The following PCDHA4 variants were observed in gnomAD, a reference collection of about 807,000 sequenced individuals.
PCDHA4 encodes protocadherin alpha-4.
PCDHA4 carries 49 observed loss-of-function variants against 61.4 expected under a neutral mutation model. That is an observed-to-expected ratio of 0.80 (90% CI 0.63 to 1.01). The LOEUF (loss-of-function observed/expected upper bound fraction) is 1.01, where lower values mean the gene tolerates loss of function less well. Ranked by LOEUF, PCDHA4 falls within the 50% of genes least tolerant of loss-of-function variation. The pLI is 0.00. For missense variants in PCDHA4, 1,254 were observed against 1,235.8 expected (o/e 1.01, Z -0.22); for synonymous variants, 590 against 550.3 (o/e 1.07, Z -1.01).
intron 1 of PCDHA4, among the ~76,000 whole-genome samples, chr5:140,951,812 A>G (rs2094639418): frequency 1.3e-5 from 2 of 152,152 alleles, no homozygotes; most frequent in Admixed American, 1.3e-4. Context: ...ATGGTCCCTC[A>G]AAGTCTGAAC....
At chr5:140,867,108 C>A (rs782819699) in intron 1 of PCDHA4, 4 of 152,072 alleles carry the variant, frequency 2.6e-5, no homozygotes, top group Admixed American at 2.6e-4. Flanking sequence ...CCTAAATTAA[C>A]ATATTGTTTT....
chr5:140,850,073 G>A, intron 1 of PCDHA4: 1 of 1,596,556 alleles, frequency 6.3e-7, no homozygotes, highest in Non-Finnish European at 8.6e-7. Context: ...TGGACCACGA[G>A]GAGCTGGAGC....
At chr5:140,813,025 C>T (rs2126643316) in intron 1 of PCDHA4, 14 of 152,074 alleles carry the variant, frequency 9.2e-5, no homozygotes, top group Non-Finnish European at 1.6e-4. Flanking sequence ...TTTCAACCTT[C>T]TTGAATTTGT....
In PCDHA4 at chr5:140,844,186, T is replaced by G. The variant is rs1779260414; in HGVS notation, c.2385+34614T>G. ...CTTTAAGATCTCGGTTTATTCATCT[T>G]ATCTGACTTTTTAGTGTCTGGTAGT... On this transcript the variant is annotated intron_variant, in intron 1 of 3. Transcript: ENST00000530339. Among the ~76,000 whole-genome samples, 2 of 149,872 alleles carry G rather than the reference T, an allele frequency of 1.3e-5. 1 individual carries two copies. Among genetic ancestry groups the G allele is most frequent in the Admixed American group, 1.3e-4 (2 of 14,948 alleles).
intron 3 of PCDHA4, among the ~76,000 whole-genome samples, chr5:140,997,495 C>T (rs1255911617): frequency 6.6e-6 from 1 of 152,078 alleles, no homozygotes; most frequent in East Asian, 1.9e-4. Context: ...ATTTGTGTAT[C>T]TCAACATACC....
chr5:140,942,023 A>G (rs1391051051), intron 1 of PCDHA4, among the ~76,000 whole-genome samples: 2 of 152,208 alleles, frequency 1.3e-5, no homozygotes, highest in African/African-American at 4.8e-5. Context: ...TTGGGAAAAA[A>G]TAATTCATAA....
intron 1 of PCDHA4, among the ~76,000 whole-genome samples, chr5:140,962,617 G>A (rs189225320): frequency 3.8e-4 from 58 of 152,276 alleles, no homozygotes; most frequent in Non-Finnish European, 1.9e-4. Context: ...GAGGAAGGGA[G>A]ATGTGAAAAA....
chr5:140,926,791 G>A, intron 1 of PCDHA4: 6 of 1,439,200 alleles, frequency 4.2e-6, no homozygotes, highest in East Asian at 2.5e-5. Context: ...GCCGGCAGGA[G>A]CGTGCTCTTC....
intron 3 of PCDHA4, among the ~76,000 whole-genome samples, chr5:140,999,140 G>A (rs1473682487): frequency 6.6e-6 from 1 of 152,164 alleles, no homozygotes; most frequent in African/African-American, 2.4e-5. Context: ...TGTCACAGCC[G>A]GAAGTCTTCA....
intron 1 of PCDHA4, among the ~76,000 whole-genome samples, chr5:140,961,680 C>T (rs989401730): frequency 3.3e-5 from 5 of 152,040 alleles, no homozygotes; most frequent in African/African-American, 4.8e-5. Flanking sequence ...TTAATTAAGC[C>T]GGAGTAGTCC....
rs1777975197 is a variant in PCDHA4 at position 140,842,460 on chromosome 5, G to C, written c.2385+32888G>C. On this transcript the variant is annotated intron_variant, in intron 1 of 3. Coordinates refer to ENST00000530339, the MANE Select transcript of PCDHA4 (RefSeq NM_018907.4). ...ATTAGCGTGAACGACCTCGATTCAGGTGCCAACGGGCAGGTGACCTGCTCC... is the reference window on the plus strand; with the variant it reads ...ATTAGCGTGAACGACCTCGATTCAGCTGCCAACGGGCAGGTGACCTGCTCC... 1 of 1,613,782 alleles carries C rather than the reference G, an allele frequency of 6.2e-7. No homozygotes were observed. The highest frequency in any genetic ancestry group is 1.1e-5 in the South Asian group (1 of 91,070).
intron 1 of PCDHA4, chr5:140,926,750 G>C (rs2083528007): frequency 8.0e-7 from 1 of 1,256,516 alleles, no homozygotes; most frequent in Non-Finnish European, 1.0e-6. Flanking sequence ...AACGTCGGCG[G>C]TCGCTGAGTA....
intron 1 of PCDHA4, among the ~76,000 whole-genome samples, chr5:140,963,398 G>C (rs1465736344): frequency 6.6e-6 from 1 of 152,220 alleles, no homozygotes; most frequent in Admixed American, 6.5e-5. Flanking sequence ...CTCCCTACTG[G>C]ATGCTGTAGA....
At chr5:140,828,092 A>T in intron 1 of PCDHA4, 2 of 1,598,744 alleles carry the variant, frequency 1.3e-6, no homozygotes, top group Non-Finnish European at 1.7e-6. Flanking sequence ...GGTATTTGAC[A>T]TGGTGTTTAC....
At chr5:140,984,783 G>A (rs2097120793) in intron 3 of PCDHA4, among the ~76,000 whole-genome samples, 1 of 152,152 alleles carries the variant, frequency 6.6e-6, no homozygotes, top group African/African-American at 2.4e-5. Flanking sequence ...CTTGCTGGGT[G>A]AGCATAGACA....
intron 1 of PCDHA4, among the ~76,000 whole-genome samples, chr5:140,974,134 C>T (rs1212348196): frequency 1.3e-5 from 2 of 152,290 alleles, no homozygotes; most frequent in East Asian, 1.9e-4. Flanking sequence ...AATCTGCTAA[C>T]CTGAAAACTA....
At chr5:140,861,658 G>C (rs913348410) in intron 1 of PCDHA4, 1 of 269,114 alleles carries the variant, frequency 3.7e-6, no homozygotes, top group Non-Finnish European at 7.4e-6. Flanking sequence ...TTTCTGAAAC[G>C]AGAGCTCTTG....
At chr5:140,905,842 T>C (rs2072141061) in intron 1 of PCDHA4, among the ~76,000 whole-genome samples, 1 of 152,148 alleles carries the variant, frequency 6.6e-6, no homozygotes, top group Non-Finnish European at 1.5e-5. Flanking sequence ...GGGGAGTTTA[T>C]TAAGGAGTAT....
chr5:140,917,417 C>T (rs1163543772), intron 1 of PCDHA4, among the ~76,000 whole-genome samples: 1 of 152,082 alleles, frequency 6.6e-6, no homozygotes, highest in African/African-American at 2.4e-5. Flanking sequence ...TAATTAGGCC[C>T]CATTTGCCAA....
Sources: gnomAD v4.1 joint callset for allele counts (sites outside exome capture counted in the v4.1 genomes callset) on GRCh38, gnomAD v4.1.1 for gene constraint, MANE v1.5 for transcripts, NCBI Gene and HGNC (gene_info 2026-07-23, HGNC 2026-07-21) for gene names.